RTN2: variants seen among roughly 807,000 people sequenced by gnomAD.
RTN2 encodes reticulon-2.
Under a neutral mutation model 63.7 loss-of-function variants are expected in RTN2, and 36 were observed. The ratio of observed to expected loss-of-function variants is 0.56; its 90% CI spans 0.43 to 0.75. The LOEUF (loss-of-function observed/expected upper bound fraction) is 0.75, where lower values mean the gene tolerates loss of function less well. Among genes scored for constraint, RTN2 ranks in the 30% least tolerant of loss-of-function variants. The pLI is 0.00. For synonymous variants in RTN2, 312 were observed against 313.0 expected, an observed-to-expected ratio of 1.00 and a Z score of 0.03; for missense variants, 673 against 705.1, an observed-to-expected ratio of 0.95 and a Z score of 0.52.
rs553927204 is a variant in RTN2, at chr19:45,486,112, G to A, written c.1499C>T (p.Ala500Val). ...CAACCCCACATATTGGTCGATCTGA[G>A]CCTGGGGAGACCAAAGAAAGGTGAA... ...TIPLLYRQHQ[A>V]QIDQYVGLVT... Residue 500 changes from alanine to valine, a missense_variant and splice_region_variant, in exon 10 of 11, where the codon GCT becomes GTT. Physicochemically the swap from Ala to Val is moderately conservative, Grantham distance 64 (BLOSUM62 0). Coordinates refer to ENST00000245923, the MANE Select transcript of RTN2 (RefSeq NM_005619.5). The A allele has an allele frequency of 6.2e-7, 1 of 1,613,962 alleles. No homozygotes were observed. The highest frequency in any genetic ancestry group is 1.1e-5 in the South Asian group (1 of 91,050).
Position 45,489,393 on chromosome 19 carries a change from G to T in RTN2, c.1194C>A (p.Arg398=), listed in dbSNP as rs758531242. The stretch of plus-strand genomic sequence containing the variant: ...CCCGGTGCACGGCCTGCAGCACTTT[G>T]CGGTAAACCCTGAGAGAGATGGTGC... ...LCGTISLRVY[R]KVLQAVHRGD... is the part of the protein sequence containing the mutation. Residue 398 remains arginine (R), a synonymous_variant, in exon 6 of 11, where the codon CGC becomes CGA. Coordinates refer to ENST00000245923, the MANE Select transcript of RTN2 (RefSeq NM_005619.5). The T allele has an allele frequency of 1.9e-6, 3 of 1,596,332 alleles. No homozygotes were observed. The Admixed American group carries it at 5.3e-5, about 28-fold the overall frequency.
chr19:45,485,629 T>C lies in RTN2; in HGVS notation c.*79A>G. The C allele has an allele frequency of 8.8e-7, 1 of 1,133,310 alleles. No individual in the cohort carries two copies. The highest frequency in any genetic ancestry group is 1.3e-5 in the South Asian group (1 of 77,160). 70.2% of individuals were successfully genotyped at this position (1,133,310 alleles called of 1,614,324 possible). On this transcript the variant is annotated 3_prime_UTR_variant, in exon 11 of 11. Transcript: ENST00000245923. ...GGCTCGGGCCGAGGAGGGGGGTGGG[T>C]GGGAACGGACAAGAGATGGAGGGGG...
rs757996406 is a variant in RTN2 at position 45,494,748 on chromosome 19, G to T, written c.337C>A (p.Pro113Thr). Residue 113 changes from proline to threonine, a missense_variant, in exon 3 of 11, where the codon CCC (proline) becomes ACC (threonine). Pro to Thr is a conservative substitution (Grantham distance 38). Coordinates refer to ENST00000245923, the MANE Select transcript of RTN2 (RefSeq NM_005619.5). This position sits in a 1 kb window ranked among gnomAD's most constrained non-coding sequence, Gnocchi z 5.3. ...GGCTCCGGGGATTGGCTCAGGCTGG[G>T]GATGCTCTCCAAGCTGTCGCCCAGG... is the stretch of plus-strand genomic sequence containing the variant. ...PSLGDSLESIPSLSQSPEPGR... is the reference protein window; with the variant it reads ...PSLGDSLESITSLSQSPEPGR... The T allele has an allele frequency of 6.2e-7, 1 of 1,610,550 alleles. No individual in the cohort carries two copies. The highest frequency in any genetic ancestry group is 2.2e-5 in the East Asian group (1 of 44,878).
rs761037026 is a variant in RTN2 at position 45,489,441 on chromosome 19, G to C, written c.1146C>G (p.His382Gln). Residue 382 changes from histidine to glutamine, a missense_variant, in exon 6 of 11, where the codon CAC becomes CAG. Transcript: ENST00000245923. ...LHFSIVSVAA[H>Q]LALLLLCGTI... ...TGCCGCAGAGCAGCAACAGAGCCAA[G>C]TGCGCGGCCACGGACACGATGCTAA... 3.7e-6 allele frequency: 6 copies of C among 1,611,624 alleles called. No homozygotes were observed. In the East Asian group the frequency reaches 1.3e-4, roughly 36 times the overall value.
At chr19:45,496,462 C>T in intron 1 of RTN2, 1 of 268,984 alleles carries the variant, frequency 3.7e-6, no homozygotes. Context: ...CAACCCCCTC[C>T]CCGCCAGCTG....
At chr19:45,492,017 G>T (rs191871332) in intron 5 of RTN2, among the ~76,000 whole-genome samples, 1 of 152,118 alleles carries the variant, frequency 6.6e-6, no homozygotes, top group Non-Finnish European at 1.5e-5. Context: ...GCAAGAGAAA[G>T]ATCTTTTCCC....
At chr19:45,489,100 T>C (rs917066890) in intron 6 of RTN2, 114 bp from the exon 7 acceptor site, 9 of 1,223,570 alleles carry the variant, frequency 7.4e-6, no homozygotes, top group Non-Finnish European at 9.1e-6. Flanking sequence ...GAGTTAGGAC[T>C]GAGGGGCAGC....
At position 45,497,027 on chromosome 19, in the gene RTN2, C is replaced by A; in HGVS notation, c.-202G>T. On this transcript the variant is annotated 5_prime_UTR_variant, in exon 1 of 11. Transcript: ENST00000245923. ...CTCGGCTCGGCGGGGGCGGGCGGGG[C>A]CGAGGTGGGGAAGGCACTGCAGCGC... The A allele has an allele frequency of 4.3e-6, 1 of 233,898 alleles. No individual in the cohort carries two copies. Among genetic ancestry groups the A allele is most frequent in the Non-Finnish European group, 8.0e-6 (1 of 125,600 alleles). 14.5% of individuals were successfully genotyped at this position (233,898 alleles called of 1,614,324 possible).
rs1268374529 is a variant in RTN2 at position 45,494,170 on chromosome 19, A to G, written c.810T>C (p.Leu270=). Residue 270 remains leucine, a synonymous_variant, in exon 4 of 11, where the codon CTT becomes CTC. Transcript: ENST00000245923. This position sits in a 1 kb window ranked among gnomAD's most constrained non-coding sequence, Gnocchi z 5.3. ...ATCTTCATACACGTTGCTTACCTAG[A>G]AGGCGTGGCTCCACCGTGAATTCTA... The part of the protein sequence containing the change: ...DQLEFTVEPR[L]LGTAMEWLKT... 1 of 1,601,280 alleles carries G rather than the reference A, an allele frequency of 6.2e-7. No homozygotes were observed. The highest frequency in any genetic ancestry group is 8.5e-7 in the Non-Finnish European group (1 of 1,179,696).
intron 1 of RTN2, 41 bp from the exon 2 acceptor site, chr19:45,495,180 C>A: frequency 6.2e-7 from 1 of 1,609,386 alleles, no homozygotes; most frequent in East Asian, 2.2e-5. Flanking sequence ...GAAGCTTAGA[C>A]TGTCCGAATC....
At chr19:45,488,424 C>T (rs1025621461) in intron 9 of RTN2, 47 bp downstream of exon 9, 2 of 1,592,190 alleles carry the variant, frequency 1.3e-6, no homozygotes, top group Non-Finnish European at 1.7e-6. Flanking sequence ...GATGGTCAGA[C>T]CCCCATGTTT....
At position 45,485,453 on chromosome 19, in the gene RTN2, G is replaced by C. The variant is rs1967997146; in HGVS notation, c.*255C>G. On this transcript the variant is annotated 3_prime_UTR_variant, in exon 11 of 11. Coordinates refer to ENST00000245923, the MANE Select transcript of RTN2 (RefSeq NM_005619.5). ...GAAGTGCAGGGTGGTGCCCTGTCTA[G>C]GCAACTACAAGTCCCAGCAGGCCCC... 2 of 540,074 alleles carry C rather than the reference G, an allele frequency of 3.7e-6. No homozygotes were observed. The highest frequency in any genetic ancestry group is 3.3e-6 in the Non-Finnish European group (1 of 299,516). The allele number at this position is 540,074 out of a possible 1,614,324, so 33.5% of individuals were successfully genotyped here. A position where few individuals can be genotyped will look rare whatever the true frequency, so the allele number is the denominator to read the frequency against.
chr19:45,486,242 G>C, intron 9 of RTN2, 129 bp from the exon 10 acceptor site: 1 of 729,760 alleles, frequency 1.4e-6, no homozygotes, highest in South Asian at 1.6e-5. Flanking sequence ...GCCACCCCCG[G>C]CTCTAAACTT....
At chr19:45,490,387 A>G (rs949558791) in intron 5 of RTN2, among the ~76,000 whole-genome samples, 2 of 151,980 alleles carry the variant, frequency 1.3e-5, no homozygotes, top group Admixed American at 1.3e-4. Flanking sequence ...CCATGTACCT[A>G]TTGCTGGGTC....
chr19:45,487,710 C>T (rs1460506422), intron 9 of RTN2, among the ~76,000 whole-genome samples: 2 of 146,416 alleles, frequency 1.4e-5, no homozygotes, highest in African/African-American at 5.1e-5. Flanking sequence ...GGGAGGCCAA[C>T]GCGGGCAGAT....
chr19:45,487,961 A>G lies in RTN2; in HGVS notation c.1497+510T>C, dbSNP rs1330749190. ...CCATCTCAAAAAAAAAAAAAAAAAA[A>G]GGCAGCAAAGGCTAGGCACAGTGGC... On this transcript the variant is annotated intron_variant, in intron 9 of 10. Transcript: ENST00000245923. 2.8e-5 allele frequency among the ~76,000 whole-genome samples: 4 copies of G among 142,332 alleles called. No homozygotes were observed. The East Asian group carries it at 8.4e-4, about 30-fold the overall frequency. 93.4% of individuals were successfully genotyped at this position (142,332 alleles called of 152,430 possible). A position where few individuals can be genotyped will look rare whatever the true frequency, so the allele number is the denominator to read the frequency against.
chr19:45,485,908 C>T, intron 10 of RTN2, 119 bp from the exon 11 acceptor site: 1 of 1,152,610 alleles, frequency 8.7e-7, no homozygotes. Flanking sequence ...CTCCTGCCCT[C>T]CACCTAGTGG....
rs11879660 is a variant in RTN2 at position 45,489,738 on chromosome 19, G to A, written c.1034-185C>T. ...TCTGTCACCCAGGCTGGAGGCAGTG[G>A]TGCAATCATAGCTCACTGCAGCCTC... is the stretch of plus-strand genomic sequence containing the variant. On this transcript the variant is annotated intron_variant, in intron 5 of 10. Coordinates refer to ENST00000245923, the MANE Select transcript of RTN2 (RefSeq NM_005619.5). 0.12 allele frequency among the ~76,000 whole-genome samples: 17,703 copies of A among 149,492 alleles called. 1,138 individuals are homozygous for A. The highest frequency in any genetic ancestry group is 0.2 in the East Asian group (1,004 of 5,082).
In RTN2 at chr19:45,493,212, C is replaced by T. The variant is rs368114241; in HGVS notation, c.981G>A (p.Pro327=). Residue 327 remains proline, a synonymous_variant, in exon 5 of 11, where the codon CCG becomes CCA. Coordinates refer to ENST00000245923, the MANE Select transcript of RTN2 (RefSeq NM_005619.5). ...LRVLLKWAKS[P]RSSGVPSLSL... ...AGAGGCTGGGGACACCGCTGCTTCT[C>T]GGGGATTTTGCCCACTTCAGTAGAA... 2.7e-5 allele frequency: 44 copies of T among 1,613,478 alleles called. No homozygotes were observed. The African/African-American group carries it at 5.1e-4, about 19-fold the overall frequency.
Sources: allele counts gnomAD v4.1 joint callset (sites outside exome capture counted in the v4.1 genomes callset), GRCh38; gene constraint gnomAD v4.1.1; non-coding constraint Gnocchi (gnomAD v3.1); transcripts MANE v1.5; gene names NCBI Gene and HGNC (gene_info 2026-07-23, HGNC 2026-07-21).